The following ADAM19 variants were observed in gnomAD, a reference collection of about 807,000 sequenced individuals.
ADAM19 encodes disintegrin and metalloproteinase domain-containing protein 19.
In ADAM19, 65 loss-of-function variants were observed where a neutral mutation model predicts 114.7. The observed-to-expected ratio is 0.57, with a 90% confidence interval of 0.46 to 0.70. ADAM19 has a LOEUF of 0.70. Among genes scored for constraint, ADAM19 ranks in the 30% least tolerant of loss-of-function variants. ADAM19 has a pLI of 0.00. For synonymous variants in ADAM19, 466 were observed against 460.5 expected (o/e 1.01, Z -0.15); for missense variants, 1,063 against 1,204.7 (o/e 0.88, Z 1.74).
chr5:157,488,124 C>T (rs1755010150), intron 21 of ADAM19, 141 bp downstream of exon 21: 12 of 798,092 alleles, frequency 1.5e-5, no homozygotes, highest in East Asian at 5.0e-5. Context: ...ACCTGCTGTG[C>T]GCCCCCGTAT....
chr5:157,571,787 G>A (rs563263927), intron 1 of ADAM19, among the ~76,000 whole-genome samples: 54 of 152,266 alleles, frequency 3.5e-4, no homozygotes, highest in Middle Eastern at 3.4e-3. Context: ...GAATGAAGCG[G>A]TGGGATTCTG....
At chr5:157,488,168 A>G in intron 21 of ADAM19, 97 bp downstream of exon 21, 2 of 1,267,810 alleles carry the variant, frequency 1.6e-6, no homozygotes, top group Non-Finnish European at 1.1e-6. Context: ...TCAGCTCATG[A>G]CCCCACAAGT....
chr5:157,496,783 G>C (rs1335790899), intron 14 of ADAM19, 111 bp downstream of exon 14: 6 of 892,350 alleles, frequency 6.7e-6, no homozygotes, highest in East Asian at 3.2e-5. Flanking sequence ...GAAAGAGGTA[G>C]TATCTAGAGG....
intron 11 of ADAM19, among the ~76,000 whole-genome samples, chr5:157,505,409 A>G (rs796278690): frequency 7.9e-5 from 12 of 152,368 alleles, no homozygotes; most frequent in African/African-American, 2.9e-4. Flanking sequence ...GGCCAAGCCA[A>G]TTTTATAACT....
chr5:157,506,297 A>G (rs887033283), intron 10 of ADAM19, among the ~76,000 whole-genome samples: 10 of 152,254 alleles, frequency 6.6e-5, no homozygotes, highest in Admixed American at 2.0e-4. Flanking sequence ...TCAAGAGGAA[A>G]AAAACCCAGC....
Position 157,554,177 on chromosome 5 carries a change from C to T in ADAM19, c.251+10196G>A, listed in dbSNP as rs927783210. 1.9e-4 allele frequency among the ~76,000 whole-genome samples: 29 copies of T among 152,138 alleles called. 1 individual carries two copies. The highest frequency in any genetic ancestry group is 6.5e-4 in the African/African-American group (27 of 41,430). On this transcript the variant is annotated intron_variant, in intron 3 of 22. Coordinates refer to ENST00000257527, the MANE Select transcript of ADAM19 (RefSeq NM_033274.5). ...GCTATTGTTGTTATCTGAAGGTAAGCAGCCTGATGATAAAGGGGTCCCCAA... is the reference window on the plus strand; with the variant it reads ...GCTATTGTTGTTATCTGAAGGTAAGTAGCCTGATGATAAAGGGGTCCCCAA...
chr5:157,488,397 T>C lies in ADAM19; in HGVS notation c.2418A>G (p.Pro806=), dbSNP rs1243982158. ...DYLRGGSPPA[P]LPAHLSRAAR... is the part of the protein sequence containing the mutation. ...CAGCCCTGCTCAGGTGAGCTGGCAG[T>C]GGTGCAGGTGGGGACCCACCACGCA... The change falls in exon 21 of 23, where the codon CCA becomes CCG. Residue 806 remains proline, a synonymous_variant. Coordinates refer to ENST00000257527, the MANE Select transcript of ADAM19 (RefSeq NM_033274.5). 6.2e-7 allele frequency: 1 copy of C among 1,614,028 alleles called. No individual in the cohort carries two copies. The highest frequency in any genetic ancestry group is 8.5e-7 in the Non-Finnish European group (1 of 1,179,990).
intron 3 of ADAM19, among the ~76,000 whole-genome samples, chr5:157,552,931 G>T (rs1169878017): frequency 2.0e-5 from 3 of 152,208 alleles, no homozygotes; most frequent in South Asian, 2.1e-4. Context: ...AATAAACCAG[G>T]TACAGACAGA....
chr5:157,498,093 G>A (rs760302701), intron 13 of ADAM19, among the ~76,000 whole-genome samples: 47 of 152,278 alleles, frequency 3.1e-4, no homozygotes, highest in African/African-American at 1.0e-3. Context: ...TGCACATTCC[G>A]AGAGCCAGGC....
chr5:157,488,245 G>T lies in ADAM19; in HGVS notation c.2550+20C>A. ...TTAAAAGCAATGTTCCCAGCCCAAG[G>T]TTGCTGATTATCCACTTACCTGGGA... is the stretch of plus-strand genomic sequence containing the variant. On this transcript the variant is annotated intron_variant, in intron 21 of 22. Coordinates refer to ENST00000257527, the MANE Select transcript of ADAM19 (RefSeq NM_033274.5). 1.2e-6 allele frequency: 2 copies of T among 1,606,424 alleles called. No individual in the cohort carries two copies. Among genetic ancestry groups the T allele is most frequent in the Non-Finnish European group, 1.7e-6 (2 of 1,173,676 alleles).
intron 15 of ADAM19, 74 bp from the exon 16 acceptor site, chr5:157,493,251 A>G: frequency 6.5e-7 from 1 of 1,531,990 alleles, no homozygotes; most frequent in Non-Finnish European, 9.0e-7. Flanking sequence ...AGAGAGCTTC[A>G]GTCTTTCTTG....
At chr5:157,556,398 T>C (rs1264391449) in intron 3 of ADAM19, among the ~76,000 whole-genome samples, 3 of 151,940 alleles carry the variant, frequency 2.0e-5, no homozygotes, top group African/African-American at 7.3e-5. Flanking sequence ...TTTGTATTTT[T>C]AGTAGAGACC....
intron 16 of ADAM19, 39 bp from the exon 17 acceptor site, chr5:157,491,951 G>A (rs904022524): frequency 6.2e-7 from 1 of 1,605,498 alleles, no homozygotes; most frequent in South Asian, 1.1e-5. Flanking sequence ...TGCAATGGGA[G>A]GGATGCTGGT....
At chr5:157,518,678 C>T in intron 7 of ADAM19, 145 bp downstream of exon 7, 1 of 797,654 alleles carries the variant, frequency 1.3e-6, no homozygotes, top group South Asian at 1.6e-5. Flanking sequence ...GCCGCCGCGC[C>T]CAGCCTTTGG....
chr5:157,540,834 C>T (rs541317886), intron 3 of ADAM19, among the ~76,000 whole-genome samples: 4 of 152,310 alleles, frequency 2.6e-5, no homozygotes, highest in African/African-American at 4.8e-5. Context: ...AAAAACTACA[C>T]CTCTGTCACT....
At chr5:157,510,127 C>G (rs537977503) in intron 8 of ADAM19, among the ~76,000 whole-genome samples, 238 of 152,296 alleles carry the variant, frequency 1.6e-3, no homozygotes, top group Non-Finnish European at 2.8e-3. Context: ...TACCATAATA[C>G]CCATCTATTT....
At chr5:157,506,294 GA>G (rs904659698) in intron 10 of ADAM19, among the ~76,000 whole-genome samples, 4 of 152,062 alleles carry the variant, frequency 2.6e-5, no homozygotes, top group Non-Finnish European at 4.4e-5. Flanking sequence ...AAATCAAGAG[GA>G]AAAAAACCCA....
chr5:157,483,916 A>C (rs1204558378), intron 21 of ADAM19, among the ~76,000 whole-genome samples: 1 of 150,312 alleles, frequency 6.7e-6, no homozygotes, highest in Admixed American at 6.7e-5. Context: ...TACACGTGTG[A>C]GCCACCACGC....
At chr5:157,568,051 C>G (rs575990309) in intron 2 of ADAM19, 1 of 151,982 alleles carries the variant, frequency 6.6e-6, no homozygotes, top group Non-Finnish European at 1.5e-5. Flanking sequence ...TCTTGGCTCA[C>G]TGCAAACTCC....
Sources: allele counts gnomAD v4.1 joint callset (sites outside exome capture counted in the v4.1 genomes callset), GRCh38; gene constraint gnomAD v4.1.1; transcripts MANE v1.5; gene names NCBI Gene and HGNC (gene_info 2026-07-23, HGNC 2026-07-21).